CAPN5: variants seen among roughly 807,000 people sequenced by gnomAD.
The protein encoded by CAPN5 is calpain-5.
In CAPN5, 54 loss-of-function variants were observed where a neutral mutation model predicts 73.0. The observed-to-expected ratio is 0.74, with a 90% confidence interval of 0.59 to 0.93. The LOEUF (loss-of-function observed/expected upper bound fraction) is 0.93, where lower values mean the gene tolerates loss of function less well. Among genes scored for constraint, CAPN5 ranks in the 40% least tolerant of loss-of-function variants. The pLI, the probability that CAPN5 is intolerant of heterozygous loss-of-function variation, is 0.00. For synonymous variants in CAPN5, 335 were observed against 356.9 expected (o/e 0.94, Z 0.69); for missense variants, 785 against 882.9 (o/e 0.89, Z 1.41).
At chr11:77,072,948 G>A (rs1326565548) in intron 1 of CAPN5, 1 of 467,564 alleles carries the variant, frequency 2.1e-6, no homozygotes, top group Admixed American at 2.7e-5. Context: ...GCACAGTGAG[G>A]CAGAGGTGGC....
At chr11:77,092,380 C>T (rs1328101627) in intron 2 of CAPN5, among the ~76,000 whole-genome samples, 10 of 152,272 alleles carry the variant, frequency 6.6e-5, no homozygotes, top group African/African-American at 2.2e-4. Flanking sequence ...ATGCTTTTCC[C>T]TTTCACAGCA....
chr11:77,087,129 G>A (rs1190520228), intron 2 of CAPN5, among the ~76,000 whole-genome samples: 2 of 152,236 alleles, frequency 1.3e-5, no homozygotes, highest in Non-Finnish European at 2.9e-5. Flanking sequence ...CTCAGACCAG[G>A]CTGGGGTGGA....
intron 9 of CAPN5, chr11:77,119,449 C>T (rs782463188): frequency 2.1e-4 from 80 of 384,650 alleles, no homozygotes; most frequent in Admixed American, 1.9e-4. Context: ...TGGTTGGGGC[C>T]GGGCCCTGGG....
intron 1 of CAPN5, chr11:77,071,495 G>A (rs1949906290): frequency 2.6e-6 from 1 of 380,412 alleles, no homozygotes; most frequent in Non-Finnish European, 5.6e-6. Flanking sequence ...TGGGGCTGGG[G>A]AGTCCCGCTT....
At chr11:77,115,880 G>A (rs1037261617) in intron 6 of CAPN5, among the ~76,000 whole-genome samples, 2 of 152,146 alleles carry the variant, frequency 1.3e-5, no homozygotes, top group African/African-American at 2.4e-5. Flanking sequence ...GGACTCCTCT[G>A]TGCTTGGCTT....
Position 77,085,062 on chromosome 11 carries a change from G to C in CAPN5, c.165+11G>C. On this transcript the variant is annotated intron_variant, in intron 2 of 12. Transcript: ENST00000648180. ...TGGAAGCGACCCAAGGTCAGTGTCT[G>C]GTCCCAGCTGGAGCTGGGTGAGCGG... The C allele has an allele frequency of 6.2e-7, 1 of 1,611,828 alleles. No homozygotes were observed. Among genetic ancestry groups the C allele is most frequent in the Non-Finnish European group, 8.5e-7 (1 of 1,179,708 alleles).
Position 77,123,766 on chromosome 11 carries a change from C to G in CAPN5, c.1819C>G (p.Leu607Val), listed in dbSNP as rs782012196. Residue 607 changes from leucine to valine, a missense_variant, in exon 13 of 13, where the codon CTG becomes GTG. Coordinates refer to ENST00000648180, the MANE Select transcript of CAPN5 (RefSeq NM_004055.5). ...LKADPDNLQA[L>V]HTLHLRDRNS... The stretch of plus-strand genomic sequence containing the variant: ...GGCTGACCCGGACAACCTCCAGGCC[C>G]TGCATACCCTCCACCTCCGGGACCG... 3 of 1,613,996 alleles carry G rather than the reference C, an allele frequency of 1.9e-6. No individual in the cohort carries two copies. In the South Asian group the frequency reaches 3.3e-5, roughly 18 times the overall value.
At chr11:77,069,949 A>C (rs1949885915) in intron 1 of CAPN5, among the ~76,000 whole-genome samples, 1 of 152,080 alleles carries the variant, frequency 6.6e-6, no homozygotes. Context: ...AGAGCTGCTC[A>C]CTTGCCTATG....
chr11:77,109,382 TAA>T (rs559370617), intron 3 of CAPN5, among the ~76,000 whole-genome samples: 1 of 151,040 alleles, frequency 6.6e-6, no homozygotes, highest in Non-Finnish European at 1.5e-5. Context: ...TTTTCCAGTT[TAA>T]AAAAAAAATG....
At chr11:77,121,396 G>C (rs910016636) in intron 10 of CAPN5, among the ~76,000 whole-genome samples, 8 of 152,258 alleles carry the variant, frequency 5.3e-5, no homozygotes, top group African/African-American at 1.9e-4. Context: ...CATAGACCCT[G>C]TGCGTCCCGC....
chr11:77,095,395 T>G (rs1950197466), intron 3 of CAPN5, among the ~76,000 whole-genome samples: 1 of 152,114 alleles, frequency 6.6e-6, no homozygotes, highest in Non-Finnish European at 1.5e-5. Context: ...TCTGTAGGGC[T>G]GCCCCCCACC....
chr11:77,120,035 A>G (rs1479580673), intron 9 of CAPN5: 4 of 152,116 alleles, frequency 2.6e-5, no homozygotes, highest in African/African-American at 7.2e-5. Flanking sequence ...GGGGATTCCT[A>G]TTGCCCTCTA....
intron 9 of CAPN5, 183 bp downstream of exon 9, chr11:77,119,335 C>A: frequency 1.5e-6 from 1 of 658,600 alleles, no homozygotes; most frequent in Non-Finnish European, 2.6e-6. Context: ...GAGGGCCCAG[C>A]CTGCCCAGCC....
intron 1 of CAPN5, among the ~76,000 whole-genome samples, chr11:77,084,227 G>A (rs1398469975): frequency 6.6e-6 from 1 of 151,398 alleles, no homozygotes; most frequent in Non-Finnish European, 1.5e-5. Context: ...AAAGTTCAGG[G>A]TGCTTGGCTG....
At chr11:77,114,022 A>G (rs1950440016) in intron 4 of CAPN5, among the ~76,000 whole-genome samples, 1 of 146,674 alleles carries the variant, frequency 6.8e-6, no homozygotes, top group Non-Finnish European at 1.5e-5. Context: ...TGGACAGCTG[A>G]TTTTTTAAGA....
chr11:77,120,395 A>G (rs4259851), intron 9 of CAPN5: 144,886 of 257,440 alleles, frequency 0.56, 42,725 homozygotes, highest in African/African-American at 0.8. Context: ...CATGCAATTC[A>G]GCCATGTAAA....
chr11:77,122,241 A>C (rs1206059770), intron 11 of CAPN5, among the ~76,000 whole-genome samples, 192 bp downstream of exon 11: 1 of 152,214 alleles, frequency 6.6e-6, no homozygotes, highest in East Asian at 1.9e-4. Flanking sequence ...GGAGGCTTCC[A>C]GCTGGGAGGG....
In CAPN5 at chr11:77,093,599, GTCTGTGTCTGTC is replaced by G. The variant is rs1365024851; in HGVS notation, c.166-82_166-71del. On this transcript the variant is annotated intron_variant, in intron 2 of 12. Transcript: ENST00000648180. ...CACACAGCAAGTCTGTGTCTGTCAC[GTCTGTGTCTGTC>G]ATGTCTCCTGCCATGGGGGGCATCC... The G allele has an allele frequency of 3.8e-4, 522 of 1,359,662 alleles. 6 individuals are homozygous for G. The South Asian group carries it at 4.6e-3, about 12-fold the overall frequency. 84.2% of individuals were successfully genotyped at this position (1,359,662 alleles called of 1,614,324 possible). A position where few individuals can be genotyped will look rare whatever the true frequency, so the allele number is the denominator to read the frequency against.
chr11:77,116,279 C>A lies in CAPN5; in HGVS notation c.947C>A (p.Thr316Asn), dbSNP rs1565277352. 1 of 1,613,606 alleles carries A rather than the reference C, an allele frequency of 6.2e-7. No individual in the cohort carries two copies. The highest frequency in any genetic ancestry group is 8.5e-7 in the Non-Finnish European group (1 of 1,179,842). Residue 316 changes from threonine to asparagine, a missense_variant, in exon 7 of 13, where the codon ACC becomes AAC. Thr to Asn is a moderately conservative substitution (Grantham distance 65). Coordinates refer to ENST00000648180, the MANE Select transcript of CAPN5 (RefSeq NM_004055.5). ...SKSEREKMGV[T>N]VQDDGEFWMT... is the part of the protein sequence containing the mutation. ...AGTGAGCGGGAGAAGATGGGTGTGA[C>A]CGTGCAGGACGACGGTGAGTTCTGG...
Sources: gnomAD v4.1 joint callset for allele counts (sites outside exome capture counted in the v4.1 genomes callset) on GRCh38, gnomAD v4.1.1 for gene constraint, MANE v1.5 for transcripts, NCBI Gene and HGNC (gene_info 2026-07-23, HGNC 2026-07-21) for gene names.